The following ERP44 variants were observed in gnomAD, a reference collection of about 807,000 sequenced individuals.
The protein encoded by ERP44 is endoplasmic reticulum resident protein 44.
ERP44 carries 25 observed loss-of-function variants against 53.4 expected under a neutral mutation model. The ratio of observed to expected loss-of-function variants is 0.47; its 90% confidence interval spans 0.34 to 0.65. The LOEUF (loss-of-function observed/expected upper bound fraction) is 0.65. ERP44 is among the 30% of genes least tolerant of loss of function. ERP44 has a pLI of 0.01. For synonymous variants in ERP44, 145 were observed against 161.2 expected (o/e 0.90, Z 0.76); for missense variants, 338 against 493.2 (o/e 0.69, Z 2.98).
At chr9:100,038,163 C>T (rs962159776) in intron 4 of ERP44, among the ~76,000 whole-genome samples, 10 of 152,150 alleles carry the variant, frequency 6.6e-5, no homozygotes, top group South Asian at 6.2e-4. Flanking sequence ...ATCATCTGAA[C>T]GTACTAAAGT....
At chr9:100,063,398 T>C (rs1327181171) in intron 1 of ERP44, among the ~76,000 whole-genome samples, 3 of 152,116 alleles carry the variant, frequency 2.0e-5, no homozygotes, top group Non-Finnish European at 2.9e-5. Flanking sequence ...ATATGCAGTA[T>C]GAAGGGAAAG....
chr9:99,997,038 G>C (rs1287474408), intron 10 of ERP44, among the ~76,000 whole-genome samples: 5 of 151,368 alleles, frequency 3.3e-5, no homozygotes, highest in Non-Finnish European at 7.4e-5. Flanking sequence ...ACAGTTTATC[G>C]ACTTGTTGAC....
chr9:100,038,455 A>G (rs1413914632), intron 4 of ERP44, among the ~76,000 whole-genome samples: 1 of 152,136 alleles, frequency 6.6e-6, no homozygotes, highest in Non-Finnish European at 1.5e-5. Context: ...ATACGATAGT[A>G]TCTGGAAGCC....
chr9:100,013,296 G>A (rs764925476), intron 8 of ERP44, among the ~76,000 whole-genome samples: 5 of 152,020 alleles, frequency 3.3e-5, no homozygotes, highest in African/African-American at 4.8e-5. Context: ...TTAAGCTATA[G>A]TGCTAAAAAT....
chr9:100,064,154 C>T (rs1382974677), intron 1 of ERP44, among the ~76,000 whole-genome samples: 1 of 152,134 alleles, frequency 6.6e-6, no homozygotes, highest in Non-Finnish European at 1.5e-5. Flanking sequence ...TAATTCTATC[C>T]TTAAATTAGT....
At chr9:100,050,896 A>G (rs751901137) in intron 4 of ERP44, among the ~76,000 whole-genome samples, 4 of 152,224 alleles carry the variant, frequency 2.6e-5, no homozygotes, top group Non-Finnish European at 5.9e-5. Flanking sequence ...TAAGCTTTAG[A>G]GCATAATTTC....
intron 1 of ERP44, among the ~76,000 whole-genome samples, chr9:100,078,399 A>G (rs541112806): frequency 1.3e-5 from 2 of 149,050 alleles, no homozygotes; most frequent in South Asian, 4.4e-4. Context: ...TGGAGGTTGC[A>G]GTGAACTGAG....
intron 10 of ERP44, among the ~76,000 whole-genome samples, chr9:100,005,980 A>G (rs1830421351): frequency 6.6e-6 from 1 of 152,242 alleles, no homozygotes; most frequent in African/African-American, 2.4e-5. Context: ...TACTATAAAT[A>G]TCTGAGAATT....
In ERP44 at chr9:99,979,584, A is replaced by G. The variant is rs1469386371; in HGVS notation, c.*3028T>C. ...AAAAATAATTTGTAGAATGTCATCT[A>G]AAAGTTTCCATCCTTTTATGGTCCC... is the stretch of plus-strand genomic sequence containing the variant. On this transcript the variant is annotated 3_prime_UTR_variant, in exon 12 of 12. Transcript: ENST00000262455. 5.3e-6 allele frequency: 1 copy of G among 187,678 alleles called. No homozygotes were observed. The highest frequency in any genetic ancestry group is 1.1e-5 in the Non-Finnish European group (1 of 91,960). 11.6% of individuals were successfully genotyped at this position (187,678 alleles called of 1,614,324 possible).
chr9:100,006,771 A>C, intron 9 of ERP44, 124 bp from the exon 10 acceptor site: 1 of 609,194 alleles, frequency 1.6e-6, no homozygotes, highest in Non-Finnish European at 2.7e-6. Flanking sequence ...AGAGTAATAT[A>C]GATCAGAAAA....
At chr9:100,060,058 T>C (rs759369911) in intron 2 of ERP44, 42 bp downstream of exon 2, 4 of 1,360,402 alleles carry the variant, frequency 2.9e-6, no homozygotes, top group South Asian at 1.8e-5. Flanking sequence ...TAACTCTCTA[T>C]AGAGAAGAAA....
At chr9:100,069,239 A>G (rs889104312) in intron 1 of ERP44, among the ~76,000 whole-genome samples, 1 of 151,552 alleles carries the variant, frequency 6.6e-6, no homozygotes, top group African/African-American at 2.4e-5. Context: ...TTATTGTCCT[A>G]TGACCCTGCC....
intron 2 of ERP44, among the ~76,000 whole-genome samples, chr9:100,058,716 G>A (rs918176911): frequency 2.6e-5 from 4 of 152,316 alleles, no homozygotes; most frequent in African/African-American, 7.2e-5. Context: ...AAGATGTAAA[G>A]ACATGAGAAA....
intron 3 of ERP44, among the ~76,000 whole-genome samples, chr9:100,053,124 C>G (rs1031690160): frequency 1.3e-5 from 2 of 152,078 alleles, no homozygotes; most frequent in African/African-American, 2.4e-5. Context: ...TATCAAATCT[C>G]ACAGGCAAGT....
intron 4 of ERP44, among the ~76,000 whole-genome samples, chr9:100,045,014 T>C (rs1825951873): frequency 6.6e-6 from 1 of 152,214 alleles, no homozygotes; most frequent in South Asian, 2.1e-4. Flanking sequence ...AGTTAACTGA[T>C]AAAAGCTGTA....
chr9:100,046,454 T>G (rs1428182718), intron 4 of ERP44, among the ~76,000 whole-genome samples: 3 of 152,194 alleles, frequency 2.0e-5, no homozygotes, highest in African/African-American at 7.2e-5. Flanking sequence ...GTATTATTTT[T>G]GCAACTATAA....
chr9:100,064,405 C>A (rs571244671), intron 1 of ERP44, among the ~76,000 whole-genome samples: 1 of 152,048 alleles, frequency 6.6e-6, no homozygotes, highest in African/African-American at 2.4e-5. Context: ...ATTGAAATTG[C>A]GAACAAACAT....
chr9:100,092,824 T>C (rs1027952478), intron 1 of ERP44, among the ~76,000 whole-genome samples: 7 of 152,160 alleles, frequency 4.6e-5, no homozygotes, highest in African/African-American at 1.4e-4. Context: ...TCTAGTAAAT[T>C]GGCACAGATT....
At chr9:100,085,889 A>G (rs1297784433) in intron 1 of ERP44, among the ~76,000 whole-genome samples, 2 of 152,232 alleles carry the variant, frequency 1.3e-5, no homozygotes, top group Non-Finnish European at 2.9e-5. Context: ...ACAAGAGCGA[A>G]ACTCTGTCTC....
Sources: allele counts gnomAD v4.1 joint callset (sites outside exome capture counted in the v4.1 genomes callset), GRCh38; gene constraint gnomAD v4.1.1; transcripts MANE v1.5; gene names NCBI Gene and HGNC (gene_info 2026-07-23, HGNC 2026-07-21).